The following SOX5 variants were observed in gnomAD, a reference collection of about 807,000 sequenced individuals.
SOX5 encodes the protein transcription factor SOX-5.
In SOX5, 9 loss-of-function variants were observed where a neutral mutation model predicts 92.0. The ratio of observed to expected loss-of-function variants is 0.10; its 90% CI spans 0.06 to 0.17. SOX5 has a LOEUF of 0.17. Ranked by LOEUF, SOX5 falls within the 10% of genes least tolerant of loss-of-function variation. The probability of loss-of-function intolerance (pLI) is 1.00; values close to 1 mark genes in which losing one functional copy is unlikely to be tolerated. For synonymous variants in SOX5, 344 were observed against 336.3 expected (o/e 1.02, Z -0.25); for missense variants, 642 against 944.5 (o/e 0.68, Z 4.20).
chr12:23,732,657 G>A (rs529441496), intron 6 of SOX5, among the ~76,000 whole-genome samples: 1 of 151,746 alleles, frequency 6.6e-6, no homozygotes. Context: ...TTTCCTTTAG[G>A]GACTTTTTCT....
At chr12:23,803,955 C>G (rs1387604218) in intron 3 of SOX5, among the ~76,000 whole-genome samples, 1 of 152,192 alleles carries the variant, frequency 6.6e-6, no homozygotes, top group Non-Finnish European at 1.5e-5. Context: ...ATGCAGATAT[C>G]TGTTCAGGTA....
At chr12:24,278,601 T>C (rs61909925) in intron 2 of SOX5, among the ~76,000 whole-genome samples, 23,427 of 151,940 alleles carry the variant, frequency 0.15, 2,312 homozygotes, top group Middle Eastern at 0.24. Flanking sequence ...GTCCCAGCTA[T>C]TTGGGAGAAT....
At chr12:23,984,029 CAGAGTAA>C (rs1949838999) in intron 4 of SOX5, among the ~76,000 whole-genome samples, 1 of 152,112 alleles carries the variant, frequency 6.6e-6, no homozygotes, top group South Asian at 2.1e-4. Context: ...ACTACAGGTT[CAGAGTAA>C]AGAAGAAAAG....
chr12:23,804,611 C>G (rs2095723859), intron 3 of SOX5, among the ~76,000 whole-genome samples: 1 of 151,912 alleles, frequency 6.6e-6, no homozygotes, highest in Non-Finnish European at 1.5e-5. Flanking sequence ...TTTATTTGCC[C>G]TACATCCTCA....
intron 2 of SOX5, among the ~76,000 whole-genome samples, chr12:24,348,364 C>CTATTTATTTATTTATTTATTTATT (rs55635240): frequency 1.4e-4 from 20 of 142,772 alleles, no homozygotes; most frequent in Middle Eastern, 3.5e-3. Context: ...CTATTGACTC[C>CTATTTATTTATTTATTTATTTATT]TATTTATTTA....
intron 1 of SOX5, among the ~76,000 whole-genome samples, chr12:23,906,790 G>T (rs2097297797): frequency 6.6e-6 from 1 of 152,118 alleles, no homozygotes; most frequent in Admixed American, 6.6e-5. Flanking sequence ...AAGTTCAGAG[G>T]ATTGATTAAC....
At position 23,803,306 on chromosome 12, in the gene SOX5, A is replaced by G. The variant is rs116440755; in HGVS notation, c.481+42677T>C. 3.6e-3 allele frequency among the ~76,000 whole-genome samples: 546 copies of G among 152,312 alleles called. 8 individuals are homozygous for G. Among genetic ancestry groups the G allele is most frequent in the African/African-American group, 0.012 (512 of 41,572 alleles). Reference sequence around the variant, plus strand: ...GGACTCATTATCTGTCCCAACAAGAAATCAGCTCCTACTCTTTGCTCTCTT... The same window carrying G: ...GGACTCATTATCTGTCCCAACAAGAGATCAGCTCCTACTCTTTGCTCTCTT... On this transcript the variant is annotated intron_variant, in intron 3 of 14. Transcript: ENST00000451604.
chr12:23,924,982 A>G (rs1237405976), intron 1 of SOX5, among the ~76,000 whole-genome samples: 1 of 151,962 alleles, frequency 6.6e-6, no homozygotes, highest in African/African-American at 2.4e-5. Context: ...ACCCTGCCAA[A>G]TCCCCCTCTA....
At chr12:23,966,357 C>T (rs180684004) in intron 4 of SOX5, among the ~76,000 whole-genome samples, 1,595 of 151,738 alleles carry the variant, frequency 0.011, 17 homozygotes, top group Middle Eastern at 0.027. Context: ...CAGTAACTGT[C>T]ATCATAAACA....
chr12:24,275,569 T>C (rs935977751), intron 3 of SOX5, among the ~76,000 whole-genome samples: 4 of 152,196 alleles, frequency 2.6e-5, no homozygotes, highest in African/African-American at 9.6e-5. Flanking sequence ...TGTATTCAAA[T>C]TTATTTAGCC....
At chr12:24,101,718 A>T (rs976365810) in intron 4 of SOX5, among the ~76,000 whole-genome samples, 1 of 152,146 alleles carries the variant, frequency 6.6e-6, no homozygotes, top group African/African-American at 2.4e-5. Flanking sequence ...GCAAAATGTG[A>T]TTTCCAACCT....
intron 1 of SOX5, among the ~76,000 whole-genome samples, chr12:24,490,812 T>C (rs1027033955): frequency 6.6e-6 from 1 of 152,184 alleles, no homozygotes; most frequent in Admixed American, 6.5e-5. Context: ...TAACTGTTAC[T>C]TGAAGCATGA....
chr12:24,095,087 C>T (rs1041435394), intron 4 of SOX5, among the ~76,000 whole-genome samples: 4 of 94,516 alleles, frequency 4.2e-5, no homozygotes, highest in African/African-American at 1.4e-4. Context: ...TTTCTAGCCC[C>T]GAAACACACA....
At chr12:24,178,954 T>A (rs1037548230) in intron 4 of SOX5, among the ~76,000 whole-genome samples, 1 of 152,292 alleles carries the variant, frequency 6.6e-6, no homozygotes, top group East Asian at 1.9e-4. Flanking sequence ...GATTTCAGTA[T>A]ATATAACCAT....
rs1297123424 is a variant in SOX5, at chr12:23,862,837, TC to T, written c.271-16645del. Among the ~76,000 whole-genome samples the T allele has an allele frequency of 2.0e-5, 3 of 152,240 alleles. No homozygotes were observed. In the East Asian group the frequency reaches 5.8e-4, roughly 29 times the overall value. On this transcript the variant is annotated intron_variant, in intron 2 of 14. Transcript: ENST00000451604. Reference sequence around the variant, plus strand: ...GTAAATGTGGCATATGTTTGTATTTTCTTGCCAATTCCAAATTCATTCATTC... The same window carrying T: ...GTAAATGTGGCATATGTTTGTATTTTTTGCCAATTCCAAATTCATTCATTC...
chr12:24,393,337 G>C lies in SOX5; in HGVS notation c.-250-24698C>G, dbSNP rs555191716. Among the ~76,000 whole-genome samples, 1 of 152,178 alleles carries C rather than the reference G, an allele frequency of 6.6e-6. No homozygotes were observed. The highest frequency in any genetic ancestry group is 2.4e-5 in the African/African-American group (1 of 41,448). On this transcript the variant is annotated intron_variant, in intron 1 of 4. Coordinates refer to the SOX5 transcript ENST00000446891. This position sits in a 1 kb window ranked among gnomAD's most constrained non-coding sequence, Gnocchi z 5.0. ...GCAACAGCTGCTGCAAAATCATGCT[G>C]CTGACTTTTTGGGTTGTGGTCTTGC...
At chr12:24,180,308 C>T (rs1955341290) in intron 4 of SOX5, among the ~76,000 whole-genome samples, 1 of 152,138 alleles carries the variant, frequency 6.6e-6, no homozygotes, top group African/African-American at 2.4e-5. Flanking sequence ...TCTTCATAAA[C>T]ATAGCAACAA....
At chr12:24,530,312 T>G (rs146852714) in intron 1 of SOX5, among the ~76,000 whole-genome samples, 3,739 of 152,300 alleles carry the variant, frequency 0.025, 68 homozygotes, top group Middle Eastern at 0.051. Context: ...GACCTGAGCA[T>G]AGTGACCTAG....
At chr12:24,067,418 A>C (rs1025444160) in intron 4 of SOX5, among the ~76,000 whole-genome samples, 1 of 152,190 alleles carries the variant, frequency 6.6e-6, no homozygotes, top group South Asian at 2.1e-4. Flanking sequence ...TTGCAGCCCC[A>C]AACTCCAGTG....
Sources: allele counts gnomAD v4.1 joint callset (sites outside exome capture counted in the v4.1 genomes callset), GRCh38; gene constraint gnomAD v4.1.1; non-coding constraint Gnocchi (gnomAD v3.1); transcripts MANE v1.5; gene names NCBI Gene and HGNC (gene_info 2026-07-23, HGNC 2026-07-21).